LRFN2: variants seen among roughly 807,000 people sequenced by gnomAD.
The protein encoded by LRFN2 is leucine rich repeat and fibronectin type III domain containing 2.
A neutral mutation model predicts 37.3 loss-of-function variants in LRFN2; 18 were observed. The observed-to-expected ratio is 0.48, with a 90% CI of 0.33 to 0.72. LRFN2 has a LOEUF of 0.72. Among genes scored for constraint, LRFN2 ranks in the 30% least tolerant of loss-of-function variants. LRFN2 has a pLI of 0.02. For missense variants in LRFN2, 1,006 were observed against 1,060.7 expected, an observed-to-expected ratio of 0.95 and a Z score of 0.72; for synonymous variants, 556 against 466.6, an observed-to-expected ratio of 1.19 and a Z score of -2.47.
At chr6:40,407,241 CTATTTAAT>C (rs139106758) in intron 2 of LRFN2, among the ~76,000 whole-genome samples, 2,863 of 152,316 alleles carry the variant, frequency 0.019, 45 homozygotes, top group East Asian at 0.056. Context: ...GAAGTCTTCT[CTATTTAAT>C]TGTATTTAAT....
Position 40,435,701 on chromosome 6 carries a change from G to A in LRFN2, c.-18-2570C>T, listed in dbSNP as rs866573445. On this transcript the variant is annotated intron_variant, in intron 1 of 2. Transcript: ENST00000338305. The stretch of plus-strand genomic sequence containing the variant: ...CTACAGGTGCCCGCCACCACACCCG[G>A]CTAATTTTTTGTGTTTTTAGTAGAG... 1.5e-4 allele frequency among the ~76,000 whole-genome samples: 23 copies of A among 152,054 alleles called. 1 individual carries two copies. In the South Asian group the frequency reaches 2.5e-3, roughly 16 times the overall value.
intron 1 of LRFN2, among the ~76,000 whole-genome samples, chr6:40,435,052 T>TATATATATATAGAGAGAG (rs1482968698): frequency 5.3e-5 from 2 of 37,544 alleles, no homozygotes; most frequent in Non-Finnish European, 9.8e-5. Context: ...TATATATATA[T>TATATATATATAGAGAGAG]AGAGAGAGAG....
chr6:40,466,352 G>A (rs17682456), intron 1 of LRFN2, among the ~76,000 whole-genome samples: 4,265 of 152,256 alleles, frequency 0.028, 110 homozygotes, highest in East Asian at 0.086. Flanking sequence ...AATTTTAGGG[G>A]AGGTTCCAGA....
At chr6:40,543,799 C>T (rs1481693274) in intron 1 of LRFN2, among the ~76,000 whole-genome samples, 1 of 152,190 alleles carries the variant, frequency 6.6e-6, no homozygotes, top group Non-Finnish European at 1.5e-5. Flanking sequence ...TGGGTTTTTG[C>T]CTCCTCTCAA....
At chr6:40,499,151 C>A (rs945156315) in intron 1 of LRFN2, among the ~76,000 whole-genome samples, 2 of 152,234 alleles carry the variant, frequency 1.3e-5, no homozygotes, top group Non-Finnish European at 1.5e-5. Flanking sequence ...CTCTACCAGG[C>A]TGTGTGTTCC....
chr6:40,504,437 T>C (rs1028032391), intron 1 of LRFN2, among the ~76,000 whole-genome samples: 1 of 152,114 alleles, frequency 6.6e-6, no homozygotes, highest in Non-Finnish European at 1.5e-5. Flanking sequence ...TAACCAATCC[T>C]CCGGTCACAA....
chr6:40,586,156 T>C (rs573313080), intron 1 of LRFN2, among the ~76,000 whole-genome samples: 153 of 152,204 alleles, frequency 1.0e-3, no homozygotes, highest in African/African-American at 3.4e-3. Context: ...GTAGGACACC[T>C]CCCTCAGAAG....
intron 2 of LRFN2, among the ~76,000 whole-genome samples, chr6:40,422,626 G>T (rs9357325): frequency 6.6e-6 from 1 of 151,988 alleles, no homozygotes; most frequent in Non-Finnish European, 1.5e-5. Flanking sequence ...ATACGCACAC[G>T]CCTGGGAAAG....
intron 1 of LRFN2, among the ~76,000 whole-genome samples, chr6:40,546,346 C>T (rs1228957416): frequency 6.6e-6 from 1 of 152,176 alleles, no homozygotes; most frequent in East Asian, 1.9e-4. Flanking sequence ...AACCTAAGGG[C>T]TCATTCTTCC....
intron 1 of LRFN2, among the ~76,000 whole-genome samples, chr6:40,457,637 TAAA>T (rs70984171): frequency 1.3e-3 from 128 of 101,386 alleles, no homozygotes; most frequent in Non-Finnish European, 1.9e-3. Context: ...AGACCCTGTT[TAAA>T]AAAAAAAAAA....
intron 1 of LRFN2, among the ~76,000 whole-genome samples, chr6:40,499,749 G>T (rs777261066): frequency 6.6e-6 from 1 of 152,138 alleles, no homozygotes; most frequent in Admixed American, 6.5e-5. Context: ...AGTTTGTGCT[G>T]CAAGGTCAGA....
At chr6:40,496,316 G>C (rs961403625) in intron 1 of LRFN2, among the ~76,000 whole-genome samples, 3 of 152,148 alleles carry the variant, frequency 2.0e-5, no homozygotes, top group Non-Finnish European at 2.9e-5. Context: ...AGAGCAGCAA[G>C]AGGGACCCAT....
intron 1 of LRFN2, among the ~76,000 whole-genome samples, chr6:40,541,985 G>A (rs910585891): frequency 6.6e-6 from 1 of 152,224 alleles, no homozygotes; most frequent in African/African-American, 2.4e-5. Context: ...CCACATGCAG[G>A]TCCACACCAC....
intron 1 of LRFN2, among the ~76,000 whole-genome samples, chr6:40,440,115 T>C (rs1324803015): frequency 6.6e-6 from 1 of 150,632 alleles, no homozygotes; most frequent in Non-Finnish European, 1.5e-5. Flanking sequence ...CAGTCTTTGG[T>C]AACACAGACA....
At chr6:40,509,935 C>A (rs1158621752) in intron 1 of LRFN2, among the ~76,000 whole-genome samples, 1 of 150,064 alleles carries the variant, frequency 6.7e-6, no homozygotes, top group Admixed American at 6.6e-5. Flanking sequence ...GAACACTGTG[C>A]TGTGCAGGTA....
chr6:40,399,691 G>T (rs988517434), intron 2 of LRFN2, among the ~76,000 whole-genome samples: 1 of 151,688 alleles, frequency 6.6e-6, no homozygotes, highest in African/African-American at 2.4e-5. Flanking sequence ...GCCCGCCTTG[G>T]CTTCCTAAAG....
In LRFN2 at chr6:40,391,914, C is replaced by T. The variant is rs947602128; in HGVS notation, c.*29G>A. On this transcript the variant is annotated 3_prime_UTR_variant, in exon 3 of 3. Transcript: ENST00000338305. ...TTCTTTCCCCTTCTCCCACCCTGCG[C>T]ACAGGAAAGGGAGCATGCCCACCCC... is the stretch of plus-strand genomic sequence containing the variant. 6.7e-7 allele frequency: 1 copy of T among 1,500,814 alleles called. No homozygotes were observed. Among genetic ancestry groups the T allele is most frequent in the East Asian group, 2.4e-5 (1 of 41,908 alleles). The allele number at this position is 1,500,814 out of a possible 1,614,324, so 93.0% of individuals were successfully genotyped here.
intron 1 of LRFN2, among the ~76,000 whole-genome samples, chr6:40,557,464 C>T (rs1766911753): frequency 6.6e-6 from 1 of 152,146 alleles, no homozygotes; most frequent in Non-Finnish European, 1.5e-5. Flanking sequence ...CCTACAGGCA[C>T]AGTGGTCAGG....
At chr6:40,523,181 C>T (rs1388496807) in intron 1 of LRFN2, among the ~76,000 whole-genome samples, 2 of 152,198 alleles carry the variant, frequency 1.3e-5, no homozygotes, top group African/African-American at 2.4e-5. Context: ...AATGAGATAA[C>T]ACCTGTGAAG....
Sources: allele counts gnomAD v4.1 joint callset (sites outside exome capture counted in the v4.1 genomes callset), GRCh38; gene constraint gnomAD v4.1.1; transcripts MANE v1.5; gene names NCBI Gene and HGNC (gene_info 2026-07-23, HGNC 2026-07-21).